XDH: variants seen among roughly 807,000 people sequenced by gnomAD.
XDH encodes the protein xanthine dehydrogenase.
In XDH, 138 loss-of-function variants were observed where a neutral mutation model predicts 156.1. That is an observed-to-expected ratio of 0.88 (90% CI 0.77 to 1.02). The LOEUF (loss-of-function observed/expected upper bound fraction) is 1.02, where lower values mean the gene tolerates loss of function less well. Among genes scored for constraint, XDH ranks in the 50% least tolerant of loss-of-function variants. The pLI is 0.00. For synonymous variants in XDH, 669 were observed against 625.7 expected (o/e 1.07, Z -1.03); for missense variants, 1,849 against 1,684.9 (o/e 1.10, Z -1.71).
intron 24 of XDH, among the ~76,000 whole-genome samples, chr2:31,357,213 C>T (rs570145491): frequency 1.4e-3 from 213 of 152,028 alleles, no homozygotes; most frequent in African/African-American, 5.0e-3. Context: ...AAAATAAATC[C>T]AAAGCAAACA....
chr2:31,372,458 C>G, intron 16 of XDH, 61 bp from the exon 17 acceptor site: 1 of 1,607,244 alleles, frequency 6.2e-7, no homozygotes, highest in African/African-American at 1.3e-5. Context: ...TCTATGGGCC[C>G]AGGGGACACT....
At position 31,398,580 on chromosome 2, in the gene XDH, G is replaced by A; in HGVS notation, c.426C>T (p.Ala142=). The A allele has an allele frequency of 6.2e-7, 1 of 1,614,118 alleles. No homozygotes were observed. Among genetic ancestry groups the A allele is most frequent in the Non-Finnish European group, 8.5e-7 (1 of 1,179,956 alleles). The change falls in exon 5 of 36, where the codon GCC becomes GCT. Residue 142 remains alanine (A), a synonymous_variant. Coordinates refer to ENST00000379416, the MANE Select transcript of XDH (RefSeq NM_000379.4). ...PEPTMEEIEN[A]FQGNLCRCTG... ...GTGCCTGAAGGCCCATACCTTGGAA[G>A]GCATTCTCAATCTCCTCCATGGTGG... is the stretch of plus-strand genomic sequence containing the variant.
chr2:31,349,817 GT>G lies in XDH; in HGVS notation c.2837del (p.Asn946ThrfsTer8), dbSNP rs769350566. 1 of 1,614,042 alleles carries G rather than the reference GT, an allele frequency of 6.2e-7. No homozygotes were observed. The highest frequency in any genetic ancestry group is 2.2e-5 in the East Asian group (1 of 44,874). On this transcript the variant is annotated frameshift_variant, in exon 26 of 36. Transcript: ENST00000379416. LOFTEE classifies it high-confidence loss of function. ...GTGTCAGGTCCCCTTCTTTGTACAG[GT>G]TTTTTCTCCGCACCTTCCCAAGGAG... ...GMPAEEVRRK[N>X]LYKEGDLTHF...
At chr2:31,344,024 C>T (rs935725521) in intron 31 of XDH, among the ~76,000 whole-genome samples, 42 of 152,010 alleles carry the variant, frequency 2.8e-4, no homozygotes, top group African/African-American at 9.7e-4. Context: ...CTAAACTTCC[C>T]AGAGACGGCT....
chr2:31,352,756 T>C (rs1219725050), intron 24 of XDH, among the ~76,000 whole-genome samples: 2 of 152,246 alleles, frequency 1.3e-5, no homozygotes, highest in Non-Finnish European at 2.9e-5. Flanking sequence ...TAATTCTTTT[T>C]TTGAACAATT....
chr2:31,343,394 C>T (rs1357121556), intron 31 of XDH, among the ~76,000 whole-genome samples: 1 of 134,068 alleles, frequency 7.5e-6, no homozygotes. Context: ...TATATATGAG[C>T]CACATATATG....
chr2:31,373,676 T>G (rs1334817826), intron 16 of XDH, among the ~76,000 whole-genome samples, 197 bp downstream of exon 16: 1 of 152,118 alleles, frequency 6.6e-6, no homozygotes, highest in Non-Finnish European at 1.5e-5. Context: ...GAGAGAAATT[T>G]AGGCAAACAA....
rs146169510 is a variant in XDH at position 31,379,939 on chromosome 2, G to C, written c.1170C>G (p.Phe390Leu). ...TCAGCAGGGTCTTTCTGTAGCCAGG[G>C]AAGAAGGTGTGGTCCATCTGGACAG... Reference protein sequence around the residue: ...RRTVQMDHTFFPGYRKTLLSP... With the variant: ...RRTVQMDHTFLPGYRKTLLSP... Residue 390 changes from phenylalanine (F) to leucine (L), a missense_variant, in exon 13 of 36, where the codon TTC becomes TTG. By Grantham distance (22) the Phe-to-Leu change is conservative (BLOSUM62 0). Coordinates refer to ENST00000379416, the MANE Select transcript of XDH (RefSeq NM_000379.4). The C allele has an allele frequency of 1.2e-6, 2 of 1,614,032 alleles. No homozygotes were observed. Among genetic ancestry groups the C allele is most frequent in the Non-Finnish European group, 1.7e-6 (2 of 1,180,044 alleles).
intron 6 of XDH, among the ~76,000 whole-genome samples, chr2:31,396,779 C>T (rs952643371): frequency 5.9e-5 from 9 of 152,200 alleles, no homozygotes; most frequent in African/African-American, 2.4e-5. Flanking sequence ...TTTAATTCCA[C>T]ACTTGTTAAT....
At chr2:31,405,886 C>T (rs766971397) in intron 2 of XDH, 21 bp downstream of exon 2, 4 of 1,614,088 alleles carry the variant, frequency 2.5e-6, no homozygotes, top group Non-Finnish European at 3.4e-6. Flanking sequence ...CTCCGTCACT[C>T]CCACTCCAAA....
chr2:31,398,853 C>T lies in XDH; in HGVS notation c.307-154G>A, dbSNP rs139434332. Among the ~76,000 whole-genome samples the T allele has an allele frequency of 3.3e-5, 5 of 152,300 alleles. No individual in the cohort carries two copies. The East Asian group carries it at 9.7e-4, about 29-fold the overall frequency. ...AGTGCCACCATTTACCAACTGTGAC[C>T]TTGGCCAGTTTCCAAGCCCTCTGAG... is the stretch of plus-strand genomic sequence containing the variant. On this transcript the variant is annotated intron_variant, in intron 4 of 35. Coordinates refer to ENST00000379416, the MANE Select transcript of XDH (RefSeq NM_000379.4).
At chr2:31,395,686 G>C (rs963409916) in intron 6 of XDH, among the ~76,000 whole-genome samples, 2 of 152,078 alleles carry the variant, frequency 1.3e-5, no homozygotes, top group Non-Finnish European at 2.9e-5. Flanking sequence ...TCCTATCCTG[G>C]CAAAGGTTCC....
intron 30 of XDH, 38 bp downstream of exon 30, chr2:31,346,731 C>T: frequency 6.2e-7 from 1 of 1,613,632 alleles, no homozygotes; most frequent in Admixed American, 1.7e-5. Context: ...CAATTTCCCT[C>T]TCCTTTGCAA....
At chr2:31,370,275 C>T in intron 18 of XDH, 80 bp downstream of exon 18, 1 of 1,527,474 alleles carries the variant, frequency 6.5e-7, no homozygotes, top group Non-Finnish European at 9.0e-7. Context: ...CTTTCCAGAT[C>T]AGGAGTTTGG....
chr2:31,402,247 A>C (rs1687079688), intron 3 of XDH, among the ~76,000 whole-genome samples: 1 of 152,228 alleles, frequency 6.6e-6, no homozygotes, highest in Non-Finnish European at 1.5e-5. Flanking sequence ...GGGATAGACC[A>C]AGTAAGGCAA....
chr2:31,355,656 A>AC (rs1572522912), intron 24 of XDH, among the ~76,000 whole-genome samples: 1 of 152,014 alleles, frequency 6.6e-6, no homozygotes, highest in Non-Finnish European at 1.5e-5. Context: ...AAAATGGAAT[A>AC]TTAAAAAAAA....
intron 4 of XDH, among the ~76,000 whole-genome samples, chr2:31,399,430 C>T (rs1686996510): frequency 6.6e-6 from 1 of 152,132 alleles, no homozygotes; most frequent in South Asian, 2.1e-4. Flanking sequence ...CACAGTGTCA[C>T]AGAAACCAAG....
intron 7 of XDH, 77 bp from the exon 8 acceptor site, chr2:31,387,974 C>A: frequency 6.8e-7 from 1 of 1,478,730 alleles, no homozygotes; most frequent in African/African-American, 1.4e-5. Context: ...TCAGCCTTTC[C>A]TTCCAGCAAG....
At chr2:31,407,735 C>T (rs1190527342) in intron 1 of XDH, among the ~76,000 whole-genome samples, 6 of 152,094 alleles carry the variant, frequency 3.9e-5, no homozygotes, top group South Asian at 4.2e-4. Context: ...TGTTTGGCAA[C>T]TTAAAAATAA....
Sources: gnomAD v4.1 joint callset for allele counts (sites outside exome capture counted in the v4.1 genomes callset) on GRCh38, gnomAD v4.1.1 for gene constraint, MANE v1.5 for transcripts, NCBI Gene and HGNC (gene_info 2026-07-23, HGNC 2026-07-21) for gene names.